Variants in SLC9B2 observed in about 807,000 individuals in gnomAD.
SLC9B2 encodes the protein sodium/hydrogen exchanger 9B2.
Under a neutral mutation model 52.2 loss-of-function variants are expected in SLC9B2, and 39 were observed. That is an observed-to-expected ratio of 0.75 (90% CI 0.58 to 0.98). SLC9B2 has a LOEUF of 0.98. Ranked by LOEUF, SLC9B2 falls within the 50% of genes least tolerant of loss-of-function variation. SLC9B2 has a pLI of 0.00. For synonymous variants in SLC9B2, 214 were observed against 227.0 expected, an observed-to-expected ratio of 0.94 and a Z score of 0.51; for missense variants, 626 against 637.5, an observed-to-expected ratio of 0.98 and a Z score of 0.19.
chr4:103,036,438 G>C (rs7662527), intron 9 of SLC9B2, among the ~76,000 whole-genome samples: 21 of 151,990 alleles, frequency 1.4e-4, no homozygotes, highest in African/African-American at 4.6e-4. Flanking sequence ...TGACAAAATT[G>C]TCTGTACTCC....
At chr4:103,035,304 G>A (rs1743068121) in intron 9 of SLC9B2, among the ~76,000 whole-genome samples, 1 of 152,112 alleles carries the variant, frequency 6.6e-6, no homozygotes. Context: ...TCCCTGAAAA[G>A]GACATGATCT....
At chr4:103,069,578 T>C (rs1746440253) in intron 1 of SLC9B2, among the ~76,000 whole-genome samples, 2 of 152,244 alleles carry the variant, frequency 1.3e-5, no homozygotes, top group Admixed American at 1.3e-4. Flanking sequence ...TCTTTAAGAA[T>C]CATTTTGCTT....
At chr4:103,071,549 T>C (rs557358535) in intron 1 of SLC9B2, among the ~76,000 whole-genome samples, 2 of 152,204 alleles carry the variant, frequency 1.3e-5, no homozygotes, top group East Asian at 3.9e-4. Flanking sequence ...TTGCTAATTT[T>C]TGTATTTTTA....
intron 10 of SLC9B2, among the ~76,000 whole-genome samples, chr4:103,031,312 T>C (rs905994922): frequency 5.9e-5 from 9 of 152,140 alleles, no homozygotes; most frequent in Non-Finnish European, 7.4e-5. Flanking sequence ...GGCATTTCTA[T>C]CCCATGGGTA....
chr4:103,056,257 T>C (rs1745127627), intron 4 of SLC9B2, among the ~76,000 whole-genome samples: 1 of 151,978 alleles, frequency 6.6e-6, no homozygotes, highest in Non-Finnish European at 1.5e-5. Flanking sequence ...TTCATTTTTA[T>C]CTTTTTTGAG....
chr4:103,054,743 T>G (rs1164823700), intron 4 of SLC9B2, among the ~76,000 whole-genome samples: 4 of 152,124 alleles, frequency 2.6e-5, no homozygotes, highest in African/African-American at 9.7e-5. Flanking sequence ...AAACAACAAG[T>G]GCTGGAGAGG....
intron 11 of SLC9B2, among the ~76,000 whole-genome samples, chr4:103,027,428 T>G (rs2110569222): frequency 6.6e-6 from 1 of 152,302 alleles, no homozygotes; most frequent in Middle Eastern, 3.4e-3. Flanking sequence ...GTTGATCTTA[T>G]TAGGTATTTG....
intron 1 of SLC9B2, among the ~76,000 whole-genome samples, chr4:103,074,459 C>T (rs1024491394): frequency 1.3e-5 from 2 of 152,200 alleles, no homozygotes; most frequent in African/African-American, 4.8e-5. Context: ...CTCTGTCTTA[C>T]AAACTTTAGT....
rs1443362925 is a variant in SLC9B2 at position 103,026,346 on chromosome 4, G to T, written c.*24C>A. 6.4e-7 allele frequency: 1 copy of T among 1,571,954 alleles called. No individual in the cohort carries two copies. Among genetic ancestry groups the T allele is most frequent in the Non-Finnish European group, 8.7e-7 (1 of 1,153,056 alleles). On this transcript the variant is annotated 3_prime_UTR_variant, in exon 12 of 12. Transcript: ENST00000394785. ...AAAGTAGCAGCTTTCTAAACATTATGTTCAGCACTCTCTCTTTTCACCTCT... is the reference window on the plus strand; with the variant it reads ...AAAGTAGCAGCTTTCTAAACATTATTTTCAGCACTCTCTCTTTTCACCTCT...
chr4:103,055,228 G>A (rs961258338), intron 4 of SLC9B2, among the ~76,000 whole-genome samples: 3 of 140,718 alleles, frequency 2.1e-5, no homozygotes, highest in Non-Finnish European at 3.1e-5. Flanking sequence ...ATCACACACC[G>A]GGGCCTGTTG....
rs190797612 is a variant in SLC9B2 at position 103,032,581 on chromosome 4, G to C, written c.1147-773C>G. Among the ~76,000 whole-genome samples the C allele has an allele frequency of 7.5e-4, 114 of 152,220 alleles. 1 individual carries two copies. Among genetic ancestry groups the C allele is most frequent in the South Asian group, 2.7e-3 (13 of 4,832 alleles). ...GAAGGTGCTTTTCTTCCTGGTTTCT[G>C]TGGCTCTTCCTAGCAAGATCTTATA... is the stretch of plus-strand genomic sequence containing the variant. On this transcript the variant is annotated intron_variant, in intron 9 of 11. Transcript: ENST00000394785.
intron 9 of SLC9B2, among the ~76,000 whole-genome samples, chr4:103,033,363 G>C (rs1481532608): frequency 6.6e-6 from 1 of 152,112 alleles, no homozygotes; most frequent in Non-Finnish European, 1.5e-5. Context: ...TTGAGAACCA[G>C]AATAAGACAA....
At chr4:103,050,450 T>G in intron 4 of SLC9B2, 68 bp from the exon 5 acceptor site, 2 of 1,409,440 alleles carry the variant, frequency 1.4e-6, no homozygotes, top group South Asian at 3.3e-5. Context: ...GTACTTTAAT[T>G]TTATACAGAC....
At chr4:103,047,441 G>A (rs1035558082) in intron 6 of SLC9B2, among the ~76,000 whole-genome samples, 2 of 148,164 alleles carry the variant, frequency 1.3e-5, no homozygotes, top group Non-Finnish European at 3.0e-5. Flanking sequence ...TGTGTACAAC[G>A]TGCAGGTTTG....
In SLC9B2 at chr4:103,024,761, T is replaced by C. The variant is rs755385606; in HGVS notation, c.*1609A>G. On this transcript the variant is annotated 3_prime_UTR_variant, in exon 12 of 12. Transcript: ENST00000394785. ...AAAAACTGTAAACTGTATGTGAATG[T>C]GATTATTTCAGTAACTACACAGAAG... 6.6e-6 allele frequency among the ~76,000 whole-genome samples: 1 copy of C among 152,204 alleles called. No homozygotes were observed. The highest frequency in any genetic ancestry group is 1.5e-5 in the Non-Finnish European group (1 of 68,032).
At chr4:103,028,944 G>C in intron 10 of SLC9B2, 61 bp from the exon 11 acceptor site, 10 of 1,334,482 alleles carry the variant, frequency 7.5e-6, no homozygotes, top group Non-Finnish European at 1.0e-5. Context: ...TGCATCTCAT[G>C]GTTACTAATT....
intron 10 of SLC9B2, among the ~76,000 whole-genome samples, chr4:103,030,212 A>G (rs1191524284): frequency 6.6e-6 from 1 of 152,146 alleles, no homozygotes; most frequent in Non-Finnish European, 1.5e-5. Flanking sequence ...GGAATTATAC[A>G]GTTTATAGTT....
intron 3 of SLC9B2, among the ~76,000 whole-genome samples, chr4:103,058,229 A>G (rs1745325549): frequency 6.6e-6 from 1 of 152,132 alleles, no homozygotes; most frequent in Admixed American, 6.6e-5. Context: ...AGAAGGAACC[A>G]TTATTTTGAC....
intron 1 of SLC9B2, among the ~76,000 whole-genome samples, chr4:103,074,364 C>T (rs1444644211): frequency 6.6e-6 from 1 of 152,180 alleles, no homozygotes; most frequent in Non-Finnish European, 1.5e-5. Context: ...TTACTTGCAG[C>T]CAAAAGCATC....
Sources: gnomAD v4.1 joint callset for allele counts (sites outside exome capture counted in the v4.1 genomes callset) on GRCh38, gnomAD v4.1.1 for gene constraint, MANE v1.5 for transcripts, NCBI Gene and HGNC (gene_info 2026-07-23, HGNC 2026-07-21) for gene names.